The following TSPEAR variants were observed in gnomAD, a reference collection of about 807,000 sequenced individuals.
The protein encoded by TSPEAR is thrombospondin type laminin G domain and EAR repeats.
In TSPEAR, 69 loss-of-function variants were observed where a neutral mutation model predicts 71.6. That is an observed-to-expected ratio of 0.96 (90% CI 0.79 to 1.18). The LOEUF (loss-of-function observed/expected upper bound fraction) is 1.18, where lower values mean the gene tolerates loss of function less well. Ranked by LOEUF, TSPEAR falls within the 50% of genes most tolerant of loss-of-function variation. TSPEAR has a pLI of 0.00. For missense variants in TSPEAR, 971 were observed against 894.9 expected (o/e 1.09, Z -1.09); for synonymous variants, 402 against 387.2 (o/e 1.04, Z -0.45).
chr21:44,599,162 C>CTCTCTCTCTCTCTCTCTCTCTT (rs1980591029), intron 1 of TSPEAR, among the ~76,000 whole-genome samples: 1 of 140,702 alleles, frequency 7.1e-6, no homozygotes, highest in Non-Finnish European at 1.5e-5. Context: ...CTCTCTCTCT[C>CTCTCTCTCTCTCTCTCTCTCTT]TCTCTCTCTC....
At chr21:44,651,804 G>T (rs1854137325) in intron 1 of TSPEAR, among the ~76,000 whole-genome samples, 1 of 152,140 alleles carries the variant, frequency 6.6e-6, no homozygotes, top group Admixed American at 6.5e-5. Context: ...GGACATCATT[G>T]GCGACCATAC....
At chr21:44,643,343 G>C (rs1205527077) in intron 1 of TSPEAR, among the ~76,000 whole-genome samples, 2 of 152,144 alleles carry the variant, frequency 1.3e-5, no homozygotes, top group Non-Finnish European at 2.9e-5. Context: ...TGCAGCATGA[G>C]GACAGTTGAC....
chr21:44,592,697 C>T lies in TSPEAR; in HGVS notation c.83-24692G>A, dbSNP rs587695110. Reference sequence around the variant, plus strand: ...ATCACATCTGGGCTGTGTCCCATCCCATGTGGATCCCTGGCGGCAGGAATT... The same window carrying T: ...ATCACATCTGGGCTGTGTCCCATCCTATGTGGATCCCTGGCGGCAGGAATT... On this transcript the variant is annotated intron_variant, in intron 1 of 11. Coordinates refer to ENST00000323084, the MANE Select transcript of TSPEAR (RefSeq NM_144991.3). 4.1e-4 allele frequency among the ~76,000 whole-genome samples: 62 copies of T among 152,260 alleles called. 1 individual carries two copies. In the South Asian group the frequency reaches 0.012, roughly 31 times the overall value.
intron 1 of TSPEAR, chr21:44,702,326 C>T (rs1216248701): frequency 1.9e-6 from 3 of 1,609,794 alleles, no homozygotes; most frequent in Non-Finnish European, 2.5e-6. Context: ...CCCTGCCTGA[C>T]CCTGGTCTGC....
At position 44,527,801 on chromosome 21, in the gene TSPEAR, T is replaced by C. The variant is rs2838578; in HGVS notation, c.923-283A>G. Among the ~76,000 whole-genome samples the C allele has an allele frequency of 0.1, 15,786 of 152,174 alleles. 2,616 individuals are homozygous for C. The highest frequency in any genetic ancestry group is 0.35 in the African/African-American group (14,318 of 41,456). ...TCACTGCTTCTACGGCAAGTTGTGC[T>C]CTCGATAATGTGAAAGAGAGCAGCT... On this transcript the variant is annotated intron_variant, in intron 6 of 11. Coordinates refer to ENST00000323084, the MANE Select transcript of TSPEAR (RefSeq NM_144991.3).
At chr21:44,627,822 G>A (rs587748199) in intron 1 of TSPEAR, 56 of 1,610,502 alleles carry the variant, frequency 3.5e-5, no homozygotes, top group Admixed American at 2.4e-4. Context: ...GCTGCCAGCC[G>A]GCTTGCTGCA....
At chr21:44,590,426 G>A (rs1163481793) in intron 1 of TSPEAR, among the ~76,000 whole-genome samples, 1 of 152,124 alleles carries the variant, frequency 6.6e-6, no homozygotes, top group African/African-American at 2.4e-5. Flanking sequence ...CCAGGACCCT[G>A]AAAGTCTAGG....
chr21:44,498,319 CAT>C lies in TSPEAR; in HGVS notation c.*1462_*1463del, dbSNP rs1293974689. On this transcript the variant is annotated 3_prime_UTR_variant, in exon 12 of 12. Transcript: ENST00000323084. ...CAGGTGCTGACCCAATGAGGCCAAT[CAT>C]GTGTGATTGGGACCTTCTGAGTGAC... The C allele has an allele frequency of 1.2e-4, 19 of 152,328 alleles. No individual in the cohort carries two copies. In the East Asian group the frequency reaches 1.4e-3, roughly 11 times the overall value. 9.4% of individuals were successfully genotyped at this position (152,328 alleles called of 1,614,324 possible). A position where few individuals can be genotyped will look rare whatever the true frequency, so the allele number is the denominator to read the frequency against.
intron 1 of TSPEAR, among the ~76,000 whole-genome samples, chr21:44,584,864 C>A (rs1979238752): frequency 6.6e-6 from 1 of 152,154 alleles, no homozygotes; most frequent in Non-Finnish European, 1.5e-5. Flanking sequence ...TTTTGTTATT[C>A]AGTGTTGGTA....
chr21:44,501,156 TA>T (rs1346152378), intron 11 of TSPEAR, among the ~76,000 whole-genome samples: 3 of 152,246 alleles, frequency 2.0e-5, no homozygotes, highest in Non-Finnish European at 2.9e-5. Flanking sequence ...TGCCTTCAAA[TA>T]TAGCATTTAT....
intron 1 of TSPEAR, chr21:44,602,039 C>G: frequency 2.0e-6 from 1 of 505,568 alleles, no homozygotes; most frequent in East Asian, 3.5e-5. Context: ...CAGGTACCAA[C>G]TGGGTTTCTC....
chr21:44,553,627 A>G (rs2053481694), intron 2 of TSPEAR, among the ~76,000 whole-genome samples: 1 of 152,214 alleles, frequency 6.6e-6, no homozygotes, highest in South Asian at 2.1e-4. Flanking sequence ...CAAAGTAATA[A>G]AGAAATAATT....
chr21:44,507,262 C>T (rs144053558), intron 10 of TSPEAR, among the ~76,000 whole-genome samples: 111 of 152,330 alleles, frequency 7.3e-4, no homozygotes, highest in African/African-American at 2.2e-3. Flanking sequence ...GAGTTGTCTG[C>T]AGCCATGGCT....
rs781892783 is a variant in TSPEAR, at chr21:44,525,721, CTG to C, written c.1266_1267del (p.His422GlnfsTer135). 6.2e-7 allele frequency: 1 copy of C among 1,614,194 alleles called. No individual in the cohort carries two copies. Among genetic ancestry groups the C allele is most frequent in the South Asian group, 1.1e-5 (1 of 91,080 alleles). ...CTCGAAGGCCTCCCAGTCTCGGGCGCTGTGTGTGGCAATGCTCTGATATGGGG... is the reference window on the plus strand; with the variant it reads ...CTCGAAGGCCTCCCAGTCTCGGGCGCTGTGTGGCAATGCTCTGATATGGGG... On this transcript the variant is annotated frameshift_variant, in exon 8 of 12. Transcript: ENST00000323084. LOFTEE classifies it high-confidence loss of function.
intron 1 of TSPEAR, among the ~76,000 whole-genome samples, chr21:44,632,038 A>C (rs1983286349): frequency 6.6e-6 from 1 of 152,188 alleles, no homozygotes; most frequent in African/African-American, 2.4e-5. Context: ...ATTTAATATC[A>C]CTGAACGGTA....
At chr21:44,539,424 C>A (rs372126563) in intron 2 of TSPEAR, 23 of 1,602,524 alleles carry the variant, frequency 1.4e-5, no homozygotes, top group Admixed American at 3.3e-5. Context: ...ATACAGCAGG[C>A]GGGCCGGCAT....
At chr21:44,564,514 AC>A (rs1205739841) in intron 2 of TSPEAR, among the ~76,000 whole-genome samples, 1 of 152,208 alleles carries the variant, frequency 6.6e-6, no homozygotes, top group African/African-American at 2.4e-5. Context: ...AAATTTTAAA[AC>A]AAAAATTGTT....
At position 44,573,933 on chromosome 21, in the gene TSPEAR, C is replaced by G. The variant is rs1161482885; in HGVS notation, c.83-5928G>C. ...CCCCTGCCTGAGCCTGGTCTGCACC[C>G]CAGTGAGCCGTGTGTCCAGCCCCTG... is the stretch of plus-strand genomic sequence containing the variant. On this transcript the variant is annotated intron_variant, in intron 1 of 11. Coordinates refer to ENST00000323084, the MANE Select transcript of TSPEAR (RefSeq NM_144991.3). The G allele has an allele frequency of 6.2e-6, 10 of 1,612,480 alleles. No individual in the cohort carries two copies. In the African/African-American group the frequency reaches 1.1e-4, roughly 17 times the overall value.
chr21:44,599,277 A>C (rs587685023), intron 1 of TSPEAR, among the ~76,000 whole-genome samples: 52 of 152,170 alleles, frequency 3.4e-4, no homozygotes, highest in African/African-American at 1.2e-3. Context: ...AATTCATCCC[A>C]CCGTGTAACT....
Sources: gnomAD v4.1 joint callset for allele counts (sites outside exome capture counted in the v4.1 genomes callset) on GRCh38, gnomAD v4.1.1 for gene constraint, MANE v1.5 for transcripts, NCBI Gene and HGNC (gene_info 2026-07-23, HGNC 2026-07-21) for gene names.